DSCAM: variants seen among roughly 807,000 people sequenced by gnomAD.
DSCAM encodes DS cell adhesion molecule.
In DSCAM, 47 loss-of-function variants were observed where a neutral mutation model predicts 217.7. The observed-to-expected ratio is 0.22, with a 90% CI of 0.17 to 0.28. The LOEUF (loss-of-function observed/expected upper bound fraction) is 0.28, where lower values mean the gene tolerates loss of function less well. Ranked by LOEUF, DSCAM falls within the 10% of genes least tolerant of loss-of-function variation. The pLI is 1.00. For synonymous variants in DSCAM, 1,056 were observed against 1,015.3 expected, an observed-to-expected ratio of 1.04 and a Z score of -0.76; for missense variants, 2,080 against 2,618.3, an observed-to-expected ratio of 0.79 and a Z score of 4.49.
chr21:40,085,549 TA>T, intron 23 of DSCAM, 52 bp downstream of exon 23: 1 of 1,385,832 alleles, frequency 7.2e-7, no homozygotes. Context: ...ACTTTTTGCA[TA>T]GAAAGCATAC....
At chr21:40,131,623 C>T (rs2090155351) in intron 19 of DSCAM, among the ~76,000 whole-genome samples, 1 of 152,160 alleles carries the variant, frequency 6.6e-6, no homozygotes, top group South Asian at 2.1e-4. Flanking sequence ...CAGGGTTTCA[C>T]CATGTTGGCC....
chr21:40,579,866 G>T (rs60703858), intron 3 of DSCAM, among the ~76,000 whole-genome samples: 4,073 of 152,194 alleles, frequency 0.027, 159 homozygotes, highest in African/African-American at 0.093. Flanking sequence ...TACTAAGAGG[G>T]TGTCACACTC....
intron 16 of DSCAM, among the ~76,000 whole-genome samples, chr21:40,160,551 A>G (rs2090529327): frequency 6.6e-6 from 1 of 152,212 alleles, no homozygotes; most frequent in Admixed American, 6.5e-5. Flanking sequence ...GTCATTTTCA[A>G]TATCATTCTG....
intron 8 of DSCAM, among the ~76,000 whole-genome samples, chr21:40,315,136 C>T (rs776415111): frequency 5.9e-5 from 9 of 152,078 alleles, no homozygotes; most frequent in Admixed American, 3.3e-4. Flanking sequence ...TGGTGGCTCA[C>T]GCCTGTAATC....
chr21:40,654,480 T>C (rs1465986789), intron 3 of DSCAM, among the ~76,000 whole-genome samples: 2 of 152,208 alleles, frequency 1.3e-5, no homozygotes, highest in Non-Finnish European at 2.9e-5. Context: ...ACTGCAAACC[T>C]GGTGGCACAA....
At chr21:40,782,642 A>G (rs2091557609) in intron 1 of DSCAM, among the ~76,000 whole-genome samples, 1 of 152,126 alleles carries the variant, frequency 6.6e-6, no homozygotes, top group Non-Finnish European at 1.5e-5. Flanking sequence ...AAGTGGAAGG[A>G]TCATTTGAGT....
intron 27 of DSCAM, among the ~76,000 whole-genome samples, chr21:40,070,980 C>T (rs1240436472): frequency 6.6e-6 from 1 of 152,238 alleles, no homozygotes; most frequent in African/African-American, 2.4e-5. Context: ...TGTGACATCA[C>T]TCACTGATTT....
chr21:40,475,688 G>A (rs970621662), intron 3 of DSCAM, among the ~76,000 whole-genome samples: 4 of 151,996 alleles, frequency 2.6e-5, no homozygotes, highest in East Asian at 1.9e-4. Flanking sequence ...AAAATTAGCC[G>A]GGCTTGGTGG....
chr21:40,395,157 C>T (rs1299018803), intron 3 of DSCAM, among the ~76,000 whole-genome samples: 1 of 152,188 alleles, frequency 6.6e-6, no homozygotes, highest in Non-Finnish European at 1.5e-5. Flanking sequence ...TCCCTTTCCT[C>T]TCTTGGCTGG....
intron 9 of DSCAM, among the ~76,000 whole-genome samples, chr21:40,307,311 A>T (rs1237068164): frequency 6.6e-6 from 1 of 152,210 alleles, no homozygotes; most frequent in Admixed American, 6.5e-5. Context: ...ACATTTATGC[A>T]GCCAAAAAAC....
chr21:40,498,668 CAT>C (rs1284319297), intron 3 of DSCAM, among the ~76,000 whole-genome samples: 1 of 28,526 alleles, frequency 3.5e-5, no homozygotes, highest in African/African-American at 1.2e-4. Flanking sequence ...TATATATACC[CAT>C]ATATATATAT....
At chr21:40,623,534 A>G (rs1466746496) in intron 3 of DSCAM, among the ~76,000 whole-genome samples, 1 of 152,208 alleles carries the variant, frequency 6.6e-6, no homozygotes, top group African/African-American at 2.4e-5. Context: ...CATTTCAAGG[A>G]AACATCTTTT....
intron 3 of DSCAM, among the ~76,000 whole-genome samples, chr21:40,616,242 C>T (rs966902103): frequency 8.5e-5 from 13 of 152,210 alleles, no homozygotes; most frequent in Non-Finnish European, 1.6e-4. Context: ...CAGAGTCTCA[C>T]ATCTCTTCAG....
intron 11 of DSCAM, among the ~76,000 whole-genome samples, chr21:40,258,104 T>C (rs557136886): frequency 3.9e-5 from 6 of 152,216 alleles, no homozygotes; most frequent in Admixed American, 6.5e-5. Context: ...ACAGAAAACA[T>C]GGCATCTGAC....
At chr21:40,212,105 G>A (rs1026718123) in intron 11 of DSCAM, among the ~76,000 whole-genome samples, 5 of 150,986 alleles carry the variant, frequency 3.3e-5, no homozygotes, top group African/African-American at 1.2e-4. Flanking sequence ...AAGTAGCTGG[G>A]ATTATAGGCG....
chr21:40,066,453 T>C (rs1022510201), intron 27 of DSCAM, among the ~76,000 whole-genome samples: 5 of 152,238 alleles, frequency 3.3e-5, no homozygotes, highest in Non-Finnish European at 7.3e-5. Context: ...GAATGATTTC[T>C]AGGTAATTCC....
intron 3 of DSCAM, among the ~76,000 whole-genome samples, chr21:40,582,742 T>C (rs1452545392): frequency 6.6e-6 from 1 of 151,930 alleles, no homozygotes; most frequent in Non-Finnish European, 1.5e-5. Context: ...TTACTAGAAG[T>C]TGAGATGATA....
At chr21:40,523,175 A>G (rs2076372863) in intron 3 of DSCAM, among the ~76,000 whole-genome samples, 1 of 152,140 alleles carries the variant, frequency 6.6e-6, no homozygotes, top group Non-Finnish European at 1.5e-5. Flanking sequence ...CGGGCAGGGA[A>G]GTGTTGGGTA....
rs996888014 is a variant in DSCAM, at chr21:40,142,451, A to C, written c.3406+107T>G. 3.3e-6 allele frequency: 4 copies of C among 1,227,332 alleles called. No homozygotes were observed. In the Admixed American group the frequency reaches 9.0e-5, roughly 28 times the overall value. 76.0% of individuals were successfully genotyped at this position (1,227,332 alleles called of 1,614,324 possible). ...AAGGGGAAAGTGTCTATTGATAAAG[A>C]GGTGCCCGCCATATCCTGAGCCCCT... is the stretch of plus-strand genomic sequence containing the variant. On this transcript the variant is annotated intron_variant, in intron 18 of 32. Transcript: ENST00000400454.
Sources: allele counts gnomAD v4.1 joint callset (sites outside exome capture counted in the v4.1 genomes callset), GRCh38; gene constraint gnomAD v4.1.1; transcripts MANE v1.5; gene names NCBI Gene and HGNC (gene_info 2026-07-23, HGNC 2026-07-21).